The following IFFO1 variants were observed in gnomAD, a reference collection of about 807,000 sequenced individuals.
The protein encoded by IFFO1 is intermediate filament family orphan 1.
Under a neutral mutation model 59.6 loss-of-function variants are expected in IFFO1, and 42 were observed. The ratio of observed to expected loss-of-function variants is 0.70; its 90% CI spans 0.55 to 0.91. The LOEUF (loss-of-function observed/expected upper bound fraction) is 0.91. IFFO1 is among the 40% of genes least tolerant of loss of function. The pLI, the probability that IFFO1 is intolerant of heterozygous loss-of-function variation, is 0.00. For missense variants in IFFO1, 711 were observed against 793.2 expected (o/e 0.90, Z 1.24); for synonymous variants, 336 against 342.8 (o/e 0.98, Z 0.22).
chr12:6,547,552 C>CA (rs1947019673), intron 8 of IFFO1, among the ~76,000 whole-genome samples: 1 of 151,836 alleles, frequency 6.6e-6, no homozygotes, highest in South Asian at 2.1e-4. Flanking sequence ...ACCATCTCTA[C>CA]AAAAAAATAC....
At chr12:6,546,855 C>CT (rs1946991405) in intron 8 of IFFO1, among the ~76,000 whole-genome samples, 1 of 152,136 alleles carries the variant, frequency 6.6e-6, no homozygotes, top group African/African-American at 2.4e-5. Context: ...CCACTTGCCT[C>CT]TAGGTACCTC....
In IFFO1 at chr12:6,548,294, A is replaced by G; in HGVS notation, c.1383+131T>C. On this transcript the variant is annotated intron_variant, in intron 7 of 9. Coordinates refer to ENST00000619571, the MANE Select transcript of IFFO1 (RefSeq NM_001193457.2). The surrounding 1 kb of genome is among the most constrained non-coding windows in gnomAD (Gnocchi z 6.1). ...ACTGGAGAAAGAAAAGCAAAAGGAT[A>G]AAGGAAGAGGGGAGACGCAGGTAGA... The G allele has an allele frequency of 7.5e-7, 1 of 1,330,914 alleles. No individual in the cohort carries two copies. 82.4% of individuals were successfully genotyped at this position (1,330,914 alleles called of 1,614,324 possible). A position where few individuals can be genotyped will look rare whatever the true frequency, so the allele number is the denominator to read the frequency against.
At chr12:6,551,466 C>T in intron 1 of IFFO1, 1 of 1,293,370 alleles carries the variant, frequency 7.7e-7, no homozygotes, top group Non-Finnish European at 1.0e-6. Context: ...AGCCCGCTGC[C>T]CTGCCTCTTG....
chr12:6,555,424 G>A lies in IFFO1; in HGVS notation c.606C>T (p.Ala202=). ...GCTCCAGTCCCGGCCCGAGCCGGCGGGCGTGCGAGAACGACCAGATGGTGC... is the reference window on the plus strand; with the variant it reads ...GCTCCAGTCCCGGCCCGAGCCGGCGAGCGTGCGAGAACGACCAGATGGTGC... ...MPGTIWSFSH[A]RRLGPGLEPT... The change falls in exon 1 of 10, where the codon GCC becomes GCT. Residue 202 remains alanine, a synonymous_variant. Coordinates refer to ENST00000619571, the MANE Select transcript of IFFO1 (RefSeq NM_001193457.2). This position sits in a 1 kb window ranked among gnomAD's most constrained non-coding sequence, Gnocchi z 8.6. 6.2e-7 allele frequency: 1 copy of A among 1,614,046 alleles called. No individual in the cohort carries two copies. Among genetic ancestry groups the A allele is most frequent in the Non-Finnish European group, 8.5e-7 (1 of 1,179,946 alleles).
intron 1 of IFFO1, 23 bp from the exon 2 acceptor site, chr12:6,551,024 A>G (rs1947210944): frequency 6.2e-7 from 1 of 1,613,152 alleles, no homozygotes; most frequent in Admixed American, 1.7e-5. Flanking sequence ...GGAAGGGCGG[A>G]GAGAGCTTAG....
chr12:6,551,505 T>G (rs1427934464), intron 1 of IFFO1: 1 of 1,287,302 alleles, frequency 7.8e-7, no homozygotes, highest in Admixed American at 2.3e-5. Context: ...TAAAAGCATC[T>G]GCAGGACACA....
intron 8 of IFFO1, among the ~76,000 whole-genome samples, chr12:6,544,024 T>G (rs1946838149): frequency 6.6e-6 from 1 of 152,184 alleles, no homozygotes; most frequent in South Asian, 2.1e-4. Context: ...AATGTAATGT[T>G]TGAATCATCT....
rs115579001 is a variant in IFFO1 at position 6,552,245 on chromosome 12, T to C, written c.774-1244A>G. Among the ~76,000 whole-genome samples, 774 of 152,232 alleles carry C rather than the reference T, an allele frequency of 5.1e-3. 4 individuals are homozygous for C. The highest frequency in any genetic ancestry group is 0.018 in the African/African-American group (748 of 41,536). ...CAGCCTCTGGGTCCCATCTCCTCAT[T>C]CACAGCCGCACTGCAGTATTCCTAA... On this transcript the variant is annotated intron_variant, in intron 1 of 9. Coordinates refer to ENST00000619571, the MANE Select transcript of IFFO1 (RefSeq NM_001193457.2).
intron 1 of IFFO1, among the ~76,000 whole-genome samples, chr12:6,554,307 C>A (rs1254192764): frequency 6.6e-6 from 1 of 152,198 alleles, no homozygotes; most frequent in Non-Finnish European, 1.5e-5. Flanking sequence ...CAAACCAAAG[C>A]CTGTCAGTCA....
At position 6,548,275 on chromosome 12, in the gene IFFO1, G is replaced by A. The variant is rs1947061141; in HGVS notation, c.1384-115C>T. On this transcript the variant is annotated intron_variant, in intron 7 of 9. Transcript: ENST00000619571. The surrounding 1 kb of genome is among the most constrained non-coding windows in gnomAD (Gnocchi z 6.1). ...AGGAAGTCTGGTTAAAGAAACTGGA[G>A]AAAGAAAAGCAAAAGGATAAAGGAA... The A allele has an allele frequency of 7.4e-7, 1 of 1,354,050 alleles. No homozygotes were observed. The highest frequency in any genetic ancestry group is 1.1e-6 in the Non-Finnish European group (1 of 952,286). 83.9% of individuals were successfully genotyped at this position (1,354,050 alleles called of 1,614,324 possible).
In IFFO1 at chr12:6,541,697, C is replaced by T; in HGVS notation, c.1480-55G>A. The T allele has an allele frequency of 6.2e-7, 1 of 1,605,800 alleles. No homozygotes were observed. The highest frequency in any genetic ancestry group is 8.5e-7 in the Non-Finnish European group (1 of 1,176,830). On this transcript the variant is annotated intron_variant, in intron 8 of 9. Coordinates refer to ENST00000619571, the MANE Select transcript of IFFO1 (RefSeq NM_001193457.2). This position sits in a 1 kb window ranked among gnomAD's most constrained non-coding sequence, Gnocchi z 4.8. ...TTAACAGGTGGCGTTCACAGCGCCT[C>T]TGTTGCCCCCGCCAGGAGGCCAACA...
chr12:6,545,863 T>C (rs1565567126), intron 8 of IFFO1, among the ~76,000 whole-genome samples: 2 of 152,218 alleles, frequency 1.3e-5, no homozygotes, highest in South Asian at 4.1e-4. Flanking sequence ...AAGGAACCCT[T>C]ATTTTTACTT....
In IFFO1 at chr12:6,541,816, A is replaced by AC. The variant is rs542792738; in HGVS notation, c.1480-175dup. 7.9e-5 allele frequency among the ~76,000 whole-genome samples: 12 copies of AC among 152,250 alleles called. No individual in the cohort carries two copies. The highest frequency in any genetic ancestry group is 1.2e-4 in the Non-Finnish European group (8 of 68,042). ...CAGACCAAGGCAGAAGGCAGCGAAT[A>AC]CACCATTGTTTCCTCTGCTTTTCCT... On this transcript the variant is annotated intron_variant, in intron 8 of 9. Coordinates refer to ENST00000619571, the MANE Select transcript of IFFO1 (RefSeq NM_001193457.2). This position sits in a 1 kb window ranked among gnomAD's most constrained non-coding sequence, Gnocchi z 4.8.
rs1326117071 is a variant in IFFO1, at chr12:6,548,938, A to C, written c.1081-89T>G. 1.8e-6 allele frequency: 2 copies of C among 1,092,570 alleles called. No individual in the cohort carries two copies. The highest frequency in any genetic ancestry group is 2.3e-5 in the Admixed American group (1 of 42,680). The allele number at this position is 1,092,570 out of a possible 1,614,324, so 67.7% of individuals were successfully genotyped here. A position where few individuals can be genotyped will look rare whatever the true frequency, so the allele number is the denominator to read the frequency against. On this transcript the variant is annotated intron_variant, in intron 5 of 9. Coordinates refer to ENST00000619571, the MANE Select transcript of IFFO1 (RefSeq NM_001193457.2). The surrounding 1 kb of genome is among the most constrained non-coding windows in gnomAD (Gnocchi z 6.1). ...TGGGAATGGGGGAGAAGCATGAACC[A>C]GTAGGAAGGGGGGGCAGACAGAGAG...
In IFFO1 at chr12:6,556,017, A is replaced by T; in HGVS notation, c.13T>A (p.Phe5Ile). 6.3e-7 allele frequency: 1 copy of T among 1,581,112 alleles called. No individual in the cohort carries two copies. Reference sequence around the variant, plus strand: ...TGCAGGAGGAAGAGGTTGGGGCCGAATAACGGATTCATGGCTGCGCCTTCT... The same window carrying T: ...TGCAGGAGGAAGAGGTTGGGGCCGATTAACGGATTCATGGCTGCGCCTTCT... MNPL[F>I]GPNLFLLQQE... is the part of the protein sequence containing the mutation. The change falls in exon 1 of 10, where the codon TTC becomes ATC. Residue 5 changes from phenylalanine (F) to isoleucine (I), a missense_variant. Phe to Ile is a conservative substitution (Grantham distance 21, BLOSUM62 0). This residue lies in a region of IFFO1 where 114 missense variants were observed against 102.4 expected (regional missense o/e 1.11). Transcript: ENST00000619571.
chr12:6,549,555 AGGGAGAG>A lies in IFFO1; in HGVS notation c.1072-78_1072-72del. On this transcript the variant is annotated intron_variant, in intron 4 of 9. Coordinates refer to ENST00000619571, the MANE Select transcript of IFFO1 (RefSeq NM_001193457.2). The surrounding 1 kb of genome is among the most constrained non-coding windows in gnomAD (Gnocchi z 5.0). ...AGCAGACAGAGGAGAGAGAGGGGGA[AGGGAGAG>A]ACGGCGTTAGAGACAGCTTCCACGA... 2 of 1,385,210 alleles carry A rather than the reference AGGGAGAG, an allele frequency of 1.4e-6. No homozygotes were observed. The highest frequency in any genetic ancestry group is 1.4e-5 in the African/African-American group (1 of 70,354). 85.8% of individuals were successfully genotyped at this position (1,385,210 alleles called of 1,614,324 possible). A position where few individuals can be genotyped will look rare whatever the true frequency, so the allele number is the denominator to read the frequency against.
In IFFO1 at chr12:6,548,236, GGA is replaced by G. The variant is rs138979230; in HGVS notation, c.1384-78_1384-77del. 6,203 of 1,246,872 alleles carry G rather than the reference GGA, an allele frequency of 5.0e-3. No homozygotes were observed. Among genetic ancestry groups the G allele is most frequent in the Non-Finnish European group, 5.7e-3 (5,006 of 880,016 alleles). The allele number at this position is 1,246,872 out of a possible 1,614,324, so 77.2% of individuals were successfully genotyped here. On this transcript the variant is annotated intron_variant, in intron 7 of 9. Transcript: ENST00000619571. The surrounding 1 kb of genome is among the most constrained non-coding windows in gnomAD (Gnocchi z 6.1). Reference sequence around the variant, plus strand: ...GACGCATTCCAAAGGGCCAAGTCAGGGAGAGAGAGAGAGAGGAAGTCTGGTTA... The same window carrying G: ...GACGCATTCCAAAGGGCCAAGTCAGGGAGAGAGAGAGAGGAAGTCTGGTTA...
In IFFO1 at chr12:6,549,319, A is replaced by G; in HGVS notation, c.1080+157T>C. ...AAAGAAATGCAGTCAAGAGAACAAG[A>G]GATAGAGAGAAAAAGGGGGAAGAGC... On this transcript the variant is annotated intron_variant, in intron 5 of 9. Transcript: ENST00000619571. The surrounding 1 kb of genome is among the most constrained non-coding windows in gnomAD (Gnocchi z 5.0). The G allele has an allele frequency of 1.4e-6, 1 of 708,624 alleles. No individual in the cohort carries two copies. The highest frequency in any genetic ancestry group is 2.5e-5 in the East Asian group (1 of 40,426). The allele number at this position is 708,624 out of a possible 1,614,324, so 43.9% of individuals were successfully genotyped here. A position where few individuals can be genotyped will look rare whatever the true frequency, so the allele number is the denominator to read the frequency against.
chr12:6,540,780 CGCCTG>C (rs1946673987), intron 9 of IFFO1, among the ~76,000 whole-genome samples, 192 bp from the exon 10 acceptor site: 1 of 152,140 alleles, frequency 6.6e-6, no homozygotes, highest in African/African-American at 2.4e-5. Context: ...AAATGGGCCC[CGCCTG>C]TGTCTTGGGA....
Sources: gnomAD v4.1 joint callset for allele counts (sites outside exome capture counted in the v4.1 genomes callset) on GRCh38, gnomAD v4.1.1 for gene constraint, gnomAD v4.1.1 regional missense constraint, Gnocchi (gnomAD v3.1) non-coding constraint, MANE v1.5 for transcripts, NCBI Gene and HGNC (gene_info 2026-07-23, HGNC 2026-07-21) for gene names.